The following DLGAP1 variants were observed in gnomAD, a reference collection of about 807,000 sequenced individuals.
DLGAP1 encodes disks large-associated protein 1.
DLGAP1 carries 11 observed loss-of-function variants against 90.8 expected under a neutral mutation model. That is an observed-to-expected ratio of 0.12 (90% confidence interval 0.08 to 0.20). The LOEUF (loss-of-function observed/expected upper bound fraction) is 0.20, where lower values mean the gene tolerates loss of function less well. Ranked by LOEUF, DLGAP1 falls within the 10% of genes least tolerant of loss-of-function variation. The probability of loss-of-function intolerance (pLI) is 1.00; values close to 1 mark genes in which losing one functional copy is unlikely to be tolerated. For synonymous variants in DLGAP1, 558 were observed against 540.7 expected (o/e 1.03, Z -0.44); for missense variants, 1,050 against 1,333.8 (o/e 0.79, Z 3.31).
At chr18:3,970,064 A>G (rs1471248951) in intron 3 of DLGAP1, among the ~76,000 whole-genome samples, 1 of 152,222 alleles carries the variant, frequency 6.6e-6, no homozygotes, top group African/African-American at 2.4e-5. Flanking sequence ...CTTTGTAGGT[A>G]AAGCAACAGA....
At chr18:4,006,419 T>C (rs2074301125) in intron 2 of DLGAP1, among the ~76,000 whole-genome samples, 1 of 152,208 alleles carries the variant, frequency 6.6e-6, no homozygotes, top group African/African-American at 2.4e-5. Context: ...AATACTCTCT[T>C]TTCCTTGTCC....
chr18:4,396,929 G>C (rs904241438), intron 1 of DLGAP1, among the ~76,000 whole-genome samples: 6 of 152,250 alleles, frequency 3.9e-5, no homozygotes, highest in African/African-American at 1.2e-4. Flanking sequence ...TAAAATCACA[G>C]TGGAGAAAGA....
intron 1 of DLGAP1, among the ~76,000 whole-genome samples, chr18:4,453,780 T>G (rs1200671893): frequency 6.6e-6 from 1 of 152,202 alleles, no homozygotes; most frequent in Non-Finnish European, 1.5e-5. Context: ...TCACGTGTTA[T>G]GGAAGGAGGC....
intron 9 of DLGAP1, among the ~76,000 whole-genome samples, chr18:3,557,781 G>T (rs1160425125): frequency 6.6e-6 from 1 of 152,118 alleles, no homozygotes; most frequent in African/African-American, 2.4e-5. Flanking sequence ...ACAAAAATCA[G>T]CCTGGCGTGG....
At chr18:4,348,404 G>GTA (rs201188126) in intron 1 of DLGAP1, among the ~76,000 whole-genome samples, 7,282 of 88,290 alleles carry the variant, frequency 0.082, 336 homozygotes, top group African/African-American at 0.15. Context: ...TCAGGAATGT[G>GTA]TGTGTGTGTG....
At chr18:4,195,685 G>A (rs547693428) in intron 1 of DLGAP1, among the ~76,000 whole-genome samples, 1 of 152,158 alleles carries the variant, frequency 6.6e-6, no homozygotes, top group Admixed American at 6.5e-5. Context: ...CTGAGTAGCT[G>A]GGATTACAGA....
chr18:3,964,158 T>C (rs544743283), intron 3 of DLGAP1, among the ~76,000 whole-genome samples: 1 of 152,196 alleles, frequency 6.6e-6, no homozygotes, highest in South Asian at 2.1e-4. Context: ...AATCTCAGCA[T>C]AAAACACAAA....
At chr18:3,974,687 C>T (rs2073531851) in intron 3 of DLGAP1, among the ~76,000 whole-genome samples, 1 of 152,054 alleles carries the variant, frequency 6.6e-6, no homozygotes, top group African/African-American at 2.4e-5. Flanking sequence ...ACATTGAAAA[C>T]ATTCAATGTC....
At chr18:3,635,088 A>G (rs1291273195) in intron 7 of DLGAP1, among the ~76,000 whole-genome samples, 1 of 152,144 alleles carries the variant, frequency 6.6e-6, no homozygotes, top group Non-Finnish European at 1.5e-5. Context: ...CTGACCACAG[A>G]AAGTTTCATA....
At chr18:4,194,969 T>C (rs978448196) in intron 1 of DLGAP1, among the ~76,000 whole-genome samples, 1 of 152,196 alleles carries the variant, frequency 6.6e-6, no homozygotes, top group Admixed American at 6.5e-5. Flanking sequence ...CTTTGAAATA[T>C]ACAATACATT....
At chr18:4,117,202 T>C (rs937186216) in intron 2 of DLGAP1, among the ~76,000 whole-genome samples, 1 of 152,212 alleles carries the variant, frequency 6.6e-6, no homozygotes, top group Non-Finnish European at 1.5e-5. Flanking sequence ...CAACACTGCT[T>C]ACATCTTGAT....
At chr18:3,971,585 C>T (rs1568327034) in intron 3 of DLGAP1, among the ~76,000 whole-genome samples, 1 of 152,132 alleles carries the variant, frequency 6.6e-6, no homozygotes, top group Non-Finnish European at 1.5e-5. Context: ...GATGCACCCC[C>T]AAGTGTTTGC....
intron 1 of DLGAP1, among the ~76,000 whole-genome samples, chr18:4,302,684 T>C (rs1314665953): frequency 6.6e-6 from 1 of 152,202 alleles, no homozygotes; most frequent in Admixed American, 6.5e-5. Context: ...GGCTTAGAAT[T>C]GCCTTGGCTT....
chr18:4,352,462 A>G (rs2081421745), intron 1 of DLGAP1, among the ~76,000 whole-genome samples: 1 of 152,064 alleles, frequency 6.6e-6, no homozygotes. Context: ...TACTCAATGA[A>G]AGTCACTGTT....
At chr18:4,446,818 T>C (rs550632189) in intron 1 of DLGAP1, among the ~76,000 whole-genome samples, 1 of 152,208 alleles carries the variant, frequency 6.6e-6, no homozygotes, top group South Asian at 2.1e-4. Context: ...CCAGAATATA[T>C]AAACAGCTCT....
intron 5 of DLGAP1, among the ~76,000 whole-genome samples, chr18:3,788,371 C>G (rs1397769478): frequency 1.3e-5 from 2 of 152,150 alleles, no homozygotes; most frequent in Non-Finnish European, 1.5e-5. Context: ...CTCATTCCCC[C>G]CTGCTTAATC....
At position 4,451,455 on chromosome 18, in the gene DLGAP1, G is replaced by A. The variant is rs74855439; in HGVS notation, c.-267+3551C>T. On this transcript the variant is annotated intron_variant, in intron 1 of 12. Coordinates refer to ENST00000315677, the MANE Select transcript of DLGAP1 (RefSeq NM_004746.4). ...CTGGTACCTGGTATCTCATACAATC[G>A]GTTATCTGTGGGTGTCTAATAGATT... Among the ~76,000 whole-genome samples, 1,320 of 152,170 alleles carry A rather than the reference G, an allele frequency of 8.7e-3. 19 individuals carry two copies. Among genetic ancestry groups the A allele is most frequent in the African/African-American group, 0.03 (1,239 of 41,502 alleles).
intron 9 of DLGAP1, among the ~76,000 whole-genome samples, chr18:3,560,824 T>A (rs551256798): frequency 6.6e-6 from 1 of 151,042 alleles, no homozygotes; most frequent in African/African-American, 2.5e-5. Flanking sequence ...TGTGATTGAA[T>A]TTTCTTTTCT....
intron 1 of DLGAP1, among the ~76,000 whole-genome samples, chr18:4,242,000 G>C (rs1288994431): frequency 1.3e-5 from 2 of 152,048 alleles, no homozygotes; most frequent in Non-Finnish European, 2.9e-5. Context: ...TCATTTATCT[G>C]GGATGGTCAT....
Sources: gnomAD v4.1 joint callset for allele counts (sites outside exome capture counted in the v4.1 genomes callset) on GRCh38, gnomAD v4.1.1 for gene constraint, MANE v1.5 for transcripts, NCBI Gene and HGNC (gene_info 2026-07-23, HGNC 2026-07-21) for gene names.